Variants in CHST6 observed in about 807,000 individuals in gnomAD.
CHST6 encodes carbohydrate sulfotransferase 6, also known as N-acetylglucosamine 6-O-sulfotransferase 5.
For missense variants in CHST6, 698 were observed against 586.2 expected (o/e 1.19, Z -1.97); for synonymous variants, 309 against 276.4 (o/e 1.12, Z -1.17).
chr16:75,488,344 G>T (rs931227339), intron 1 of CHST6, among the ~76,000 whole-genome samples: 2 of 152,054 alleles, frequency 1.3e-5, no homozygotes, highest in African/African-American at 2.4e-5. Flanking sequence ...GTGCCTATTT[G>T]TAACCCCAGC....
intron 1 of CHST6, among the ~76,000 whole-genome samples, chr16:75,488,292 C>T (rs916158797): frequency 1.3e-5 from 2 of 151,560 alleles, no homozygotes; most frequent in East Asian, 2.0e-4. Flanking sequence ...GGTGAAACCT[C>T]GTCTCTACTA....
chr16:75,478,522 A>G lies in CHST6; in HGVS notation c.*119T>C. ...AGTCCTTGCCTACTTGGGGAGGGGG[A>G]GGGGTCGTACCACAAACTCCTTGGT... On this transcript the variant is annotated 3_prime_UTR_variant, in exon 3 of 3. Coordinates refer to ENST00000332272, the MANE Select transcript of CHST6 (RefSeq NM_021615.5). The G allele has an allele frequency of 3.1e-6, 3 of 966,388 alleles. No homozygotes were observed. Among genetic ancestry groups the G allele is most frequent in the Non-Finnish European group, 3.3e-6 (2 of 607,608 alleles). The allele number at this position is 966,388 out of a possible 1,614,324, so 59.9% of individuals were successfully genotyped here. A position where few individuals can be genotyped will look rare whatever the true frequency, so the allele number is the denominator to read the frequency against.
rs138799176 is a variant in CHST6, at chr16:75,489,314, G to A, written c.-92+5626C>T. Among the ~76,000 whole-genome samples the A allele has an allele frequency of 1.8e-3, 267 of 149,748 alleles. 2 individuals carry two copies. The highest frequency in any genetic ancestry group is 6.2e-3 in the African/African-American group (248 of 40,310). ...CTCGTGAAGATGAGGCAGAAGAATC[G>A]CTTGAGCCCAGGAGGCGGAGGTTGC... is the stretch of plus-strand genomic sequence containing the variant. On this transcript the variant is annotated intron_variant, in intron 1 of 2. Transcript: ENST00000332272.
At position 75,495,406 on chromosome 16, in the gene CHST6, A is replaced by G. The variant is rs1398581335; in HGVS notation, c.-558T>C. ...GGTGCAGCCCGCCCGAGCGCACACA[A>G]TGAGGCGCTTTCAGACGTGGCTGCG... On this transcript the variant is annotated 5_prime_UTR_variant, in exon 1 of 3. Transcript: ENST00000332272. 6.6e-6 allele frequency: 1 copy of G among 152,164 alleles called. No individual in the cohort carries two copies. Among genetic ancestry groups the G allele is most frequent in the Non-Finnish European group, 1.5e-5 (1 of 68,026 alleles). 9.4% of individuals were successfully genotyped at this position (152,164 alleles called of 1,614,324 possible).
rs1454720788 is a variant in CHST6 at position 75,495,218 on chromosome 16, G to A, written c.-370C>T. On this transcript the variant is annotated 5_prime_UTR_variant, in exon 1 of 3. Coordinates refer to ENST00000332272, the MANE Select transcript of CHST6 (RefSeq NM_021615.5). ...AGCTCCTGGAGACTCGAGGTAGAAC[G>A]AATGTGGGAACAGGGCAGGAGTCCC... The A allele has an allele frequency of 6.6e-6, 1 of 152,464 alleles. No individual in the cohort carries two copies. Among genetic ancestry groups the A allele is most frequent in the Non-Finnish European group, 1.5e-5 (1 of 68,226 alleles). The allele number at this position is 152,464 out of a possible 1,614,324, so 9.4% of individuals were successfully genotyped here.
chr16:75,478,194 T>G lies in CHST6; in HGVS notation c.*447A>C, dbSNP rs1185907366. On this transcript the variant is annotated 3_prime_UTR_variant, in exon 3 of 3. Coordinates refer to ENST00000332272, the MANE Select transcript of CHST6 (RefSeq NM_021615.5). ...CAGACAAGTCCTTTCACTTCCGAGT[T>G]TTGCCATGTGTGCCTGTGTGCATAT... 2 of 205,966 alleles carry G rather than the reference T, an allele frequency of 9.7e-6. No homozygotes were observed. The highest frequency in any genetic ancestry group is 1.2e-4 in the East Asian group (1 of 8,502). 12.8% of individuals were successfully genotyped at this position (205,966 alleles called of 1,614,324 possible).
chr16:75,480,079 A>AGTCC (rs2080123466), intron 2 of CHST6, among the ~76,000 whole-genome samples: 1 of 127,848 alleles, frequency 7.8e-6, no homozygotes, highest in Non-Finnish European at 1.5e-5. Context: ...TCTACATGTG[A>AGTCC]GTCCTACCTT....
Position 75,474,343 on chromosome 16 carries a change from T to A in CHST6, c.*4298A>T. On this transcript the variant is annotated 3_prime_UTR_variant, in exon 3 of 3. Coordinates refer to ENST00000332272, the MANE Select transcript of CHST6 (RefSeq NM_021615.5). The stretch of plus-strand genomic sequence containing the variant: ...AGGCTGGAGTGCACTGGCATGATCA[T>A]GGTTCAATGTAGCCTCAACCTCCCA... 5.6e-6 allele frequency: 2 copies of A among 355,252 alleles called. No individual in the cohort carries two copies. Among genetic ancestry groups the A allele is most frequent in the East Asian group, 8.2e-5 (2 of 24,418 alleles). The allele number at this position is 355,252 out of a possible 1,614,324, so 22.0% of individuals were successfully genotyped here.
intron 1 of CHST6, among the ~76,000 whole-genome samples, chr16:75,491,165 TAAAAAAAAAAAAAA>T (rs1168619782): frequency 1.4e-3 from 36 of 26,378 alleles, no homozygotes; most frequent in African/African-American, 3.9e-3. Flanking sequence ...AACTCCGTCT[TAAAAAAAAAAAAAA>T]AAAAAAAAAA....
At chr16:75,491,160 C>T (rs1402295696) in intron 1 of CHST6, among the ~76,000 whole-genome samples, 4 of 57,776 alleles carry the variant, frequency 6.9e-5, no homozygotes, top group South Asian at 6.8e-4. Context: ...AGTGAAACTC[C>T]GTCTTAAAAA....
At position 75,479,513 on chromosome 16, in the gene CHST6, C is replaced by T. The variant is rs1381630371; in HGVS notation, c.316G>A (p.Val106Met). 8.7e-6 allele frequency: 14 copies of T among 1,612,920 alleles called. No homozygotes were observed. Among genetic ancestry groups the T allele is most frequent in the Non-Finnish European group, 1.1e-5 (13 of 1,179,840 alleles). The change falls in exon 3 of 3, where the codon GTG becomes ATG. Residue 106 changes from valine (V) to methionine (M), a missense_variant. Transcript: ENST00000332272. ...VRSVFLCDMDVFDAYLPWRRN... is the reference protein window; with the variant it reads ...VRSVFLCDMDMFDAYLPWRRN... ...CGCCAAGGCAGATAGGCATCAAACA[C>T]GTCCATGTCGCACAGGAAGACGGAG... is the stretch of plus-strand genomic sequence containing the variant.
intron 1 of CHST6, among the ~76,000 whole-genome samples, chr16:75,491,219 A>ATATAT (rs1491290856): frequency 4.7e-4 from 54 of 115,870 alleles, no homozygotes; most frequent in African/African-American, 1.6e-3. Flanking sequence ...ATATATATAT[A>ATATAT]AAATATAATA....
chr16:75,480,518 T>C (rs2080128474), intron 2 of CHST6, among the ~76,000 whole-genome samples: 1 of 151,682 alleles, frequency 6.6e-6, no homozygotes, highest in Non-Finnish European at 1.5e-5. Flanking sequence ...CATGTAGTAA[T>C]GTCCCTAACT....
chr16:75,475,268 G>A lies in CHST6; in HGVS notation c.*3373C>T, dbSNP rs142172718. Reference sequence around the variant, plus strand: ...CTAAGACAGGTGGAGGTAAAGTTTTGCTTCCAAGGCCTATGCTTCAAACTG... The same window carrying A: ...CTAAGACAGGTGGAGGTAAAGTTTTACTTCCAAGGCCTATGCTTCAAACTG... On this transcript the variant is annotated 3_prime_UTR_variant, in exon 3 of 3. Coordinates refer to ENST00000332272, the MANE Select transcript of CHST6 (RefSeq NM_021615.5). 6.6e-6 allele frequency: 1 copy of A among 152,342 alleles called. No individual in the cohort carries two copies. Among genetic ancestry groups the A allele is most frequent in the East Asian group, 1.9e-4 (1 of 5,190 alleles). 9.4% of individuals were successfully genotyped at this position (152,342 alleles called of 1,614,324 possible).
chr16:75,474,025 A>C lies in CHST6; in HGVS notation c.*4616T>G, dbSNP rs1858134397. 2.0e-5 allele frequency: 3 copies of C among 152,096 alleles called. No homozygotes were observed. Among genetic ancestry groups the C allele is most frequent in the Admixed American group, 2.0e-4 (3 of 15,252 alleles). 9.4% of individuals were successfully genotyped at this position (152,096 alleles called of 1,614,324 possible). The stretch of plus-strand genomic sequence containing the variant: ...CATCTCTACTAAAAATACAAAAAAA[A>C]TTAGCCGGGCGTGGTGGTGTACATC... On this transcript the variant is annotated 3_prime_UTR_variant, in exon 3 of 3. Coordinates refer to ENST00000332272, the MANE Select transcript of CHST6 (RefSeq NM_021615.5).
intron 1 of CHST6, among the ~76,000 whole-genome samples, chr16:75,486,387 T>A (rs1458485765): frequency 6.6e-6 from 1 of 152,200 alleles, no homozygotes; most frequent in East Asian, 1.9e-4. Context: ...GTCTCTAGGC[T>A]TTTCCCTGGG....
intron 1 of CHST6, among the ~76,000 whole-genome samples, chr16:75,484,326 G>A (rs2080172783): frequency 6.6e-6 from 1 of 152,154 alleles, no homozygotes; most frequent in Non-Finnish European, 1.5e-5. Flanking sequence ...GACAGAGCGA[G>A]ACTCCGTCTC....
In CHST6 at chr16:75,475,298, A is replaced by C. The variant is rs936489073; in HGVS notation, c.*3343T>G. 1.3e-5 allele frequency: 2 copies of C among 152,278 alleles called. No individual in the cohort carries two copies. Among genetic ancestry groups the C allele is most frequent in the Non-Finnish European group, 2.9e-5 (2 of 68,062 alleles). The allele number at this position is 152,278 out of a possible 1,614,324, so 9.4% of individuals were successfully genotyped here. On this transcript the variant is annotated 3_prime_UTR_variant, in exon 3 of 3. Coordinates refer to ENST00000332272, the MANE Select transcript of CHST6 (RefSeq NM_021615.5). ...CAAGGCCTATGCTTCAAACTGGCTC[A>C]CAGGAAGTTGCACTACACTTGTCTA...
intron 1 of CHST6, among the ~76,000 whole-genome samples, chr16:75,493,516 C>CAAA (rs55916880): frequency 1.9e-5 from 2 of 104,370 alleles, no homozygotes; most frequent in East Asian, 4.5e-4. Flanking sequence ...GACTCCGTAT[C>CAAA]AAAAAAAAAA....
Sources: gnomAD v4.1 joint callset for allele counts (sites outside exome capture counted in the v4.1 genomes callset) on GRCh38, gnomAD v4.1.1 for gene constraint, MANE v1.5 for transcripts, NCBI Gene and HGNC (gene_info 2026-07-23, HGNC 2026-07-21) for gene names.